INPP5D: variants seen among roughly 807,000 people sequenced by gnomAD.
INPP5D encodes the protein phosphatidylinositol 3,4,5-trisphosphate 5-phosphatase 1.
Under a neutral mutation model 122.9 loss-of-function variants are expected in INPP5D, and 33 were observed. The observed-to-expected ratio is 0.27, with a 90% CI of 0.20 to 0.36. The LOEUF is 0.36. INPP5D is among the 10% of genes least tolerant of loss of function. The probability of loss-of-function intolerance (pLI) is 1.00; values close to 1 mark genes in which losing one functional copy is unlikely to be tolerated. For synonymous variants in INPP5D, 584 were observed against 576.2 expected (o/e 1.01, Z -0.19); for missense variants, 1,053 against 1,412.7 (o/e 0.75, Z 4.08).
intron 9 of INPP5D, among the ~76,000 whole-genome samples, chr2:233,148,250 C>T (rs1030846358): frequency 2.6e-5 from 4 of 152,110 alleles, no homozygotes; most frequent in East Asian, 1.9e-4. Flanking sequence ...ATTGAGTAGC[C>T]GATAGAGACT....
intron 23 of INPP5D, among the ~76,000 whole-genome samples, 166 bp from the exon 24 acceptor site, chr2:233,195,233 A>C (rs1046560099): frequency 6.6e-6 from 1 of 152,126 alleles, no homozygotes; most frequent in African/African-American, 2.4e-5. Context: ...TAACTAATCA[A>C]TCACTGAACT....
chr2:233,080,529 C>T (rs981810748), intron 2 of INPP5D, among the ~76,000 whole-genome samples: 8 of 151,946 alleles, frequency 5.3e-5, no homozygotes, highest in Non-Finnish European at 7.4e-5. Context: ...AGTGCATCCA[C>T]GTCCCAAGCA....
chr2:233,204,152 G>A lies in INPP5D; in HGVS notation c.3002G>A (p.Gly1001Glu). 6.3e-7 allele frequency: 1 copy of A among 1,576,200 alleles called. No individual in the cohort carries two copies. Among genetic ancestry groups the A allele is most frequent in the Non-Finnish European group, 8.6e-7 (1 of 1,161,958 alleles). The stretch of plus-strand genomic sequence containing the variant: ...CCCAGTGACCTGGGGAAGAACGCAG[G>A]GGACACGCTGCCTCAGGAGGACCTG... ...SRPSDLGKNA[G>E]DTLPQEDLPL... Residue 1001 changes from glycine (G) to glutamate (E), a missense_variant, in exon 26 of 27, where the codon GGG (glycine) becomes GAG (glutamate). Physicochemically the swap from Gly to Glu is moderately conservative, Grantham distance 98. Transcript: ENST00000445964.
At position 233,164,871 on chromosome 2, in the gene INPP5D, C is replaced by T. The variant is rs186134643; in HGVS notation, c.1555+447C>T. 6.6e-6 allele frequency among the ~76,000 whole-genome samples: 1 copy of T among 151,988 alleles called. No individual in the cohort carries two copies. The highest frequency in any genetic ancestry group is 2.1e-4 in the South Asian group (1 of 4,804). On this transcript the variant is annotated intron_variant, in intron 13 of 26. Transcript: ENST00000445964. The surrounding 1 kb of genome is among the most constrained non-coding windows in gnomAD (Gnocchi z 4.3). ...CTCTGCCTTTCTGGTGGGAAAGCAG[C>T]CATAGGCAACCCAGAAAGCGAATGG...
rs572872942 is a variant in INPP5D at position 233,074,532 on chromosome 2, G to A, written c.135-4803G>A. Reference sequence around the variant, plus strand: ...TTCTCTCTGGCTGTGATTCTTCAAGGTTTGGAGTGGCGAATGGTGAACAGT... The same window carrying A: ...TTCTCTCTGGCTGTGATTCTTCAAGATTTGGAGTGGCGAATGGTGAACAGT... On this transcript the variant is annotated intron_variant, in intron 1 of 26. Transcript: ENST00000445964. 3.3e-5 allele frequency among the ~76,000 whole-genome samples: 5 copies of A among 152,226 alleles called. No homozygotes were observed. The South Asian group carries it at 1.0e-3, about 32-fold the overall frequency.
In INPP5D at chr2:233,177,827, G is replaced by A. The variant is rs540360912; in HGVS notation, c.2071+481G>A. On this transcript the variant is annotated intron_variant, in intron 18 of 26. Transcript: ENST00000445964. The surrounding 1 kb of genome is among the most constrained non-coding windows in gnomAD (Gnocchi z 4.2). ...TGACCTCAGGTGGTCAGCCCACCTCGGCCTCCCAAAGTGCTGAGATTACAG... is the reference window on the plus strand; with the variant it reads ...TGACCTCAGGTGGTCAGCCCACCTCAGCCTCCCAAAGTGCTGAGATTACAG... Among the ~76,000 whole-genome samples the A allele has an allele frequency of 3.3e-5, 5 of 152,184 alleles. No homozygotes were observed. The highest frequency in any genetic ancestry group is 7.4e-5 in the Non-Finnish European group (5 of 68,006).
chr2:233,164,040 C>G lies in INPP5D; in HGVS notation c.1437+137C>G, dbSNP rs981720203. 2.8e-6 allele frequency: 4 copies of G among 1,421,624 alleles called. No homozygotes were observed. The highest frequency in any genetic ancestry group is 2.5e-5 in the East Asian group (1 of 40,136). The allele number at this position is 1,421,624 out of a possible 1,614,324, so 88.1% of individuals were successfully genotyped here. A position where few individuals can be genotyped will look rare whatever the true frequency, so the allele number is the denominator to read the frequency against. Reference sequence around the variant, plus strand: ...GTCTGGAGGCCCCCACTGAGAGATGCGTCTGTATTCAGAAATAAATGGGAT... The same window carrying G: ...GTCTGGAGGCCCCCACTGAGAGATGGGTCTGTATTCAGAAATAAATGGGAT... On this transcript the variant is annotated intron_variant, in intron 12 of 26. Coordinates refer to ENST00000445964, the MANE Select transcript of INPP5D (RefSeq NM_001017915.3). The surrounding 1 kb of genome is among the most constrained non-coding windows in gnomAD (Gnocchi z 4.3).
intron 21 of INPP5D, among the ~76,000 whole-genome samples, chr2:233,186,788 T>TCTCGG (rs1694933593): frequency 7.7e-6 from 1 of 129,784 alleles, no homozygotes; most frequent in South Asian, 2.9e-4. Context: ...AGTGGCATGA[T>TCTCGG]CTCGGCTCAC....
Position 233,164,152 on chromosome 2 carries a change from G to GC in INPP5D, c.1438-153dup. ...TCTCATCTTTAGGATGTTTTGTCTCGCCTATCAAGCATCGCTGGGAGTCCC... is the reference window on the plus strand; with the variant it reads ...TCTCATCTTTAGGATGTTTTGTCTCGCCCTATCAAGCATCGCTGGGAGTCCC... On this transcript the variant is annotated intron_variant, in intron 12 of 26. Coordinates refer to ENST00000445964, the MANE Select transcript of INPP5D (RefSeq NM_001017915.3). This position sits in a 1 kb window ranked among gnomAD's most constrained non-coding sequence, Gnocchi z 4.3. 1 of 1,407,946 alleles carries GC rather than the reference G, an allele frequency of 7.1e-7. No homozygotes were observed. The highest frequency in any genetic ancestry group is 9.3e-7 in the Non-Finnish European group (1 of 1,073,230). The allele number at this position is 1,407,946 out of a possible 1,614,324, so 87.2% of individuals were successfully genotyped here. A position where few individuals can be genotyped will look rare whatever the true frequency, so the allele number is the denominator to read the frequency against.
At chr2:233,088,089 C>A (rs932707152) in intron 2 of INPP5D, among the ~76,000 whole-genome samples, 4 of 152,168 alleles carry the variant, frequency 2.6e-5, no homozygotes, top group Non-Finnish European at 5.9e-5. Flanking sequence ...GATTCTCCTG[C>A]CTCAGCCTTC....
chr2:233,163,343 A>G (rs1694244048), intron 11 of INPP5D, among the ~76,000 whole-genome samples: 3 of 151,996 alleles, frequency 2.0e-5, no homozygotes, highest in Non-Finnish European at 4.4e-5. Context: ...GCCATCTAAA[A>G]CTTGTCAGTT....
At chr2:233,168,524 T>C (rs747184163) in intron 13 of INPP5D, among the ~76,000 whole-genome samples, 16 of 152,260 alleles carry the variant, frequency 1.1e-4, no homozygotes, top group Non-Finnish European at 1.8e-4. Context: ...GCCATCGTAG[T>C]CTGAAAGCAG....
rs1190152676 is a variant in INPP5D at position 233,164,623 on chromosome 2, A to G, written c.1555+199A>G. 3.3e-5 allele frequency among the ~76,000 whole-genome samples: 5 copies of G among 152,196 alleles called. No homozygotes were observed. The highest frequency in any genetic ancestry group is 7.3e-5 in the Non-Finnish European group (5 of 68,036). On this transcript the variant is annotated intron_variant, in intron 13 of 26. Transcript: ENST00000445964. The surrounding 1 kb of genome is among the most constrained non-coding windows in gnomAD (Gnocchi z 4.3). ...ACTCAGGGTCTACACCAGCAGTCCC[A>G]GGGATCTAGCTAAAATGCAGGTTCC... is the stretch of plus-strand genomic sequence containing the variant.
intron 6 of INPP5D, among the ~76,000 whole-genome samples, chr2:233,144,523 GAT>G (rs1693702271): frequency 8.8e-6 from 1 of 113,320 alleles, no homozygotes; most frequent in Admixed American, 8.8e-5. Context: ...TGGTGATGGT[GAT>G]GGTGAGGGTG....
At chr2:233,138,303 T>TAAAAAAAAAAAAAAAAA (rs749510803) in intron 5 of INPP5D, among the ~76,000 whole-genome samples, 3 of 103,678 alleles carry the variant, frequency 2.9e-5, no homozygotes, top group East Asian at 3.4e-4. Flanking sequence ...TAAGATTGTC[T>TAAAAAAAAAAAAAAAAA]AAAAAAAAAA....
At chr2:233,061,843 G>A (rs766549210) in intron 1 of INPP5D, among the ~76,000 whole-genome samples, 3 of 152,228 alleles carry the variant, frequency 2.0e-5, no homozygotes, top group Admixed American at 1.3e-4. Flanking sequence ...CCAGTCCAGC[G>A]GGGCAGGCAT....
chr2:233,129,483 GC>G (rs747666641), intron 4 of INPP5D, among the ~76,000 whole-genome samples: 3 of 152,220 alleles, frequency 2.0e-5, no homozygotes, highest in Admixed American at 6.5e-5. Context: ...TTTAGGGGGC[GC>G]CCCTCGTGGG....
At chr2:233,087,035 A>T (rs1412781455) in intron 2 of INPP5D, among the ~76,000 whole-genome samples, 1 of 152,218 alleles carries the variant, frequency 6.6e-6, no homozygotes, top group African/African-American at 2.4e-5. Context: ...TCAGTATTTT[A>T]ACAATGTCTG....
At chr2:233,081,136 G>A (rs1691677789) in intron 2 of INPP5D, among the ~76,000 whole-genome samples, 1 of 152,246 alleles carries the variant, frequency 6.6e-6, no homozygotes, top group Admixed American at 6.5e-5. Context: ...GGCACACCTA[G>A]TACGAGAAGG....
Sources: allele counts gnomAD v4.1 joint callset (sites outside exome capture counted in the v4.1 genomes callset), GRCh38; gene constraint gnomAD v4.1.1; non-coding constraint Gnocchi (gnomAD v3.1); transcripts MANE v1.5; gene names NCBI Gene and HGNC (gene_info 2026-07-23, HGNC 2026-07-21).